GYPE: variants seen among roughly 807,000 people sequenced by gnomAD.
GYPE encodes the protein glycophorin-E.
In GYPE, 8 loss-of-function variants were observed where a neutral mutation model predicts 11.6. The observed-to-expected ratio is 0.69, with a 90% CI of 0.41 to 1.25. The LOEUF is 1.25. Ranked by LOEUF, GYPE falls within the 50% of genes most tolerant of loss-of-function variation. The pLI is 0.01. For synonymous variants in GYPE, 28 were observed against 29.6 expected, an observed-to-expected ratio of 0.94 and a Z score of 0.18; for missense variants, 90 against 92.8, an observed-to-expected ratio of 0.97 and a Z score of 0.12.
At chr4:143,891,161 C>T (rs1248642766) in intron 1 of GYPE, among the ~76,000 whole-genome samples, 1 of 151,364 alleles carries the variant, frequency 6.6e-6, no homozygotes. Flanking sequence ...GGACCATCTA[C>T]TACAAATATT....
chr4:143,882,739 C>G (rs1360520209), intron 1 of GYPE, among the ~76,000 whole-genome samples: 1 of 152,160 alleles, frequency 6.6e-6, no homozygotes, highest in Non-Finnish European at 1.5e-5. Context: ...CCTTTTAATC[C>G]TCCACTCCTT....
At chr4:143,880,762 G>C (rs1465701568) in intron 1 of GYPE, among the ~76,000 whole-genome samples, 2 of 152,136 alleles carry the variant, frequency 1.3e-5, no homozygotes, top group African/African-American at 4.8e-5. Flanking sequence ...GTGTGCCTTG[G>C]TTTTCTCATC....
Position 143,905,524 on chromosome 4 carries a change from G to T in GYPE, c.-17C>A, listed in dbSNP as rs757976432. 13 of 1,613,034 alleles carry T rather than the reference G, an allele frequency of 8.1e-6. No individual in the cohort carries two copies. Among genetic ancestry groups the T allele is most frequent in the Admixed American group, 1.7e-5 (1 of 59,902 alleles). Reference sequence around the variant, plus strand: ...TCCATACATCCTGAGATCACGAGCTGGCTCCTGAAGTTAGTGCAAAAAAAC... The same window carrying T: ...TCCATACATCCTGAGATCACGAGCTTGCTCCTGAAGTTAGTGCAAAAAAAC... On this transcript the variant is annotated 5_prime_UTR_variant, in exon 1 of 4. Transcript: ENST00000358615.
intron 1 of GYPE, among the ~76,000 whole-genome samples, chr4:143,893,291 G>T (rs1744486178): frequency 7.2e-6 from 1 of 138,424 alleles, no homozygotes; most frequent in South Asian, 2.7e-4. Flanking sequence ...CTTTTAATTG[G>T]AGCATTTAGT....
At chr4:143,883,205 G>T (rs1056238074) in intron 1 of GYPE, among the ~76,000 whole-genome samples, 2 of 151,892 alleles carry the variant, frequency 1.3e-5, no homozygotes, top group East Asian at 1.9e-4. Context: ...CTGCTCCAAG[G>T]CTCTCTCTCC....
In GYPE at chr4:143,871,184, C is replaced by G. The variant is rs1743608395; in HGVS notation, c.*1078G>C. ...GATGAGATTTGAGTGGGAACACAGC[C>G]AAACCATATCAGTCATTCCACATAT... is the stretch of plus-strand genomic sequence containing the variant. On this transcript the variant is annotated 3_prime_UTR_variant, in exon 4 of 4. Coordinates refer to ENST00000358615, the MANE Select transcript of GYPE (RefSeq NM_198682.3). 1.3e-5 allele frequency: 2 copies of G among 151,870 alleles called. No individual in the cohort carries two copies. Among genetic ancestry groups the G allele is most frequent in the Non-Finnish European group, 2.9e-5 (2 of 68,030 alleles). 9.4% of individuals were successfully genotyped at this position (151,870 alleles called of 1,614,324 possible).
At chr4:143,881,030 C>T (rs986575922) in intron 1 of GYPE, among the ~76,000 whole-genome samples, 1 of 152,070 alleles carries the variant, frequency 6.6e-6, no homozygotes, top group African/African-American at 2.4e-5. Flanking sequence ...TCCCATATCT[C>T]AGTGTCTCCA....
At chr4:143,903,524 C>CAG (rs71590414) in intron 1 of GYPE, among the ~76,000 whole-genome samples, 1 of 98,848 alleles carries the variant, frequency 1.0e-5, no homozygotes, top group Non-Finnish European at 1.9e-5. Flanking sequence ...TTTTTCATAG[C>CAG]AAAAAAAAAA....
chr4:143,895,626 T>C (rs1015002907), intron 1 of GYPE, among the ~76,000 whole-genome samples: 3 of 146,404 alleles, frequency 2.0e-5, no homozygotes, highest in Non-Finnish European at 4.5e-5. Context: ...AAGCTACCAA[T>C]GACTTTCTTC....
At chr4:143,899,151 C>T (rs558331229) in intron 1 of GYPE, among the ~76,000 whole-genome samples, 16 of 148,096 alleles carry the variant, frequency 1.1e-4, no homozygotes, top group Non-Finnish European at 1.6e-4. Flanking sequence ...GACAGACCGT[C>T]AACCTTCATT....
intron 1 of GYPE, among the ~76,000 whole-genome samples, chr4:143,904,917 C>A (rs1745004076): frequency 6.6e-6 from 1 of 151,876 alleles, no homozygotes; most frequent in Non-Finnish European, 1.5e-5. Context: ...TAAATTTCTC[C>A]TAAAATTCAC....
intron 1 of GYPE, among the ~76,000 whole-genome samples, chr4:143,904,248 A>G (rs980252089): frequency 2.0e-5 from 3 of 151,998 alleles, no homozygotes; most frequent in African/African-American, 7.3e-5. Context: ...ATTAATACTT[A>G]TTAATCATGA....
In GYPE at chr4:143,901,760, A is replaced by C. The variant is rs186519243; in HGVS notation, c.37+3711T>G. 7.0e-3 allele frequency among the ~76,000 whole-genome samples: 1,066 copies of C among 152,182 alleles called. 15 individuals are homozygous for C. The highest frequency in any genetic ancestry group is 0.023 in the African/African-American group (967 of 41,512). On this transcript the variant is annotated intron_variant, in intron 1 of 3. Coordinates refer to ENST00000358615, the MANE Select transcript of GYPE (RefSeq NM_198682.3). ...CTCAAATAGTCTCATAGATGTTTTG[A>C]ATAATCTTCTAGAAACCAAGGTGAA...
intron 2 of GYPE, 147 bp from the exon 3 acceptor site, chr4:143,877,002 T>C: frequency 3.1e-6 from 2 of 645,452 alleles, no homozygotes; most frequent in Non-Finnish European, 5.7e-6. Context: ...ATTTTGTCTT[T>C]TTTAAAACTG....
In GYPE at chr4:143,905,475, C is replaced by T. The variant is rs1745022669; in HGVS notation, c.33G>A (p.Leu11=). MYGKIIFVLL[L]SGIVSISASS... is the part of the protein sequence containing the mutation. ...AGATGAAATAAAATCACTTACCTGA[C>T]AATAGTAATACAAAGATTATTTTTC... is the stretch of plus-strand genomic sequence containing the variant. Residue 11 remains leucine (L), a synonymous_variant, in exon 1 of 4, where the codon TTG becomes TTA. Transcript: ENST00000358615. The T allele has an allele frequency of 1.2e-6, 2 of 1,613,020 alleles. No individual in the cohort carries two copies. Among genetic ancestry groups the T allele is most frequent in the Non-Finnish European group, 1.7e-6 (2 of 1,179,284 alleles).
At chr4:143,902,699 T>C (rs1321993113) in intron 1 of GYPE, among the ~76,000 whole-genome samples, 4 of 151,954 alleles carry the variant, frequency 2.6e-5, no homozygotes, top group African/African-American at 9.7e-5. Context: ...CTACTATAAA[T>C]ACCAATCGGG....
intron 1 of GYPE, among the ~76,000 whole-genome samples, chr4:143,891,041 T>A (rs1340440762): frequency 6.6e-6 from 1 of 152,112 alleles, no homozygotes; most frequent in Non-Finnish European, 1.5e-5. Flanking sequence ...CTTAAGTTTT[T>A]CAAATTGTCT....
chr4:143,901,396 GA>G (rs1219321024), intron 1 of GYPE, among the ~76,000 whole-genome samples: 5 of 139,186 alleles, frequency 3.6e-5, no homozygotes, highest in Non-Finnish European at 7.7e-5. Context: ...TCTCTTTGCA[GA>G]AAATTTAGAA....
intron 1 of GYPE, among the ~76,000 whole-genome samples, chr4:143,897,557 T>C (rs1000826263): frequency 6.6e-5 from 10 of 152,208 alleles, no homozygotes; most frequent in Non-Finnish European, 1.3e-4. Context: ...TGGAATTTTA[T>C]TTCAGACAAG....
Sources: allele counts gnomAD v4.1 joint callset (sites outside exome capture counted in the v4.1 genomes callset), GRCh38; gene constraint gnomAD v4.1.1; transcripts MANE v1.5; gene names NCBI Gene and HGNC (gene_info 2026-07-23, HGNC 2026-07-21).